The following USP45 variants were observed in gnomAD, a reference collection of about 807,000 sequenced individuals.
The protein encoded by USP45 is ubiquitin carboxyl-terminal hydrolase 45.
In USP45, 89 loss-of-function variants were observed where a neutral mutation model predicts 95.8. The observed-to-expected ratio is 0.93, with a 90% CI of 0.78 to 1.11. The LOEUF is 1.11. Ranked by LOEUF, USP45 falls within the 50% of genes least tolerant of loss-of-function variation. The pLI is 0.00. For missense variants in USP45, 898 were observed against 942.5 expected, an observed-to-expected ratio of 0.95 and a Z score of 0.62; for synonymous variants, 281 against 316.2, an observed-to-expected ratio of 0.89 and a Z score of 1.18.
At chr6:99,514,128 T>C (rs540293647) in intron 1 of USP45, among the ~76,000 whole-genome samples, 1 of 152,178 alleles carries the variant, frequency 6.6e-6, no homozygotes, top group African/African-American at 2.4e-5. Context: ...GGACTCAACA[T>C]ATAGTTGAAT....
At chr6:99,441,533 CAAA>C (rs368801961) in intron 15 of USP45, among the ~76,000 whole-genome samples, 1 of 138,998 alleles carries the variant, frequency 7.2e-6, no homozygotes. Context: ...ACTCCATCTC[CAAA>C]AAAAAAAAAA....
At chr6:99,455,819 TAAAAAAAAAAAAAAAAA>T (rs35285232) in intron 13 of USP45, among the ~76,000 whole-genome samples, 4 of 44,368 alleles carry the variant, frequency 9.0e-5, no homozygotes, top group East Asian at 9.4e-4. Context: ...ATGTGAGAGC[TAAAAAAAAAAAAAAAAA>T]AAAAAAAAAA....
chr6:99,482,963 C>T, intron 7 of USP45, 80 bp from the exon 8 acceptor site: 1 of 1,216,698 alleles, frequency 8.2e-7, no homozygotes. Context: ...TTACACTCTG[C>T]TTAAATAACA....
At chr6:99,479,970 C>T (rs1791953328) in intron 8 of USP45, among the ~76,000 whole-genome samples, 1 of 152,168 alleles carries the variant, frequency 6.6e-6, no homozygotes, top group Admixed American at 6.5e-5. Flanking sequence ...AAACAATCTT[C>T]ATTTGCCAAT....
intron 8 of USP45, among the ~76,000 whole-genome samples, chr6:99,477,464 C>T (rs1791152991): frequency 6.6e-6 from 1 of 152,090 alleles, no homozygotes; most frequent in African/African-American, 2.4e-5. Context: ...CCACACCTGC[C>T]ATCGTGCCCG....
chr6:99,500,701 A>G (rs1411472071), intron 5 of USP45, among the ~76,000 whole-genome samples: 1 of 152,216 alleles, frequency 6.6e-6, no homozygotes. Flanking sequence ...CTTCAGTTCC[A>G]GTAGTGTTAC....
chr6:99,492,349 T>G (rs1795359755), intron 5 of USP45, among the ~76,000 whole-genome samples: 1 of 151,902 alleles, frequency 6.6e-6, no homozygotes, highest in African/African-American at 2.4e-5. Flanking sequence ...CACAGGGCAG[T>G]GGCAATAAAA....
chr6:99,508,876 CTAAAA>C, intron 2 of USP45, 94 bp from the exon 3 acceptor site: 1 of 1,068,714 alleles, frequency 9.4e-7, no homozygotes, highest in Non-Finnish European at 1.3e-6. Context: ...ATGCTGTTAA[CTAAAA>C]AGCACAGAGA....
chr6:99,517,743 C>A (rs1033770941), upstream of USP45, among the ~76,000 whole-genome samples: 1 of 151,646 alleles, frequency 6.6e-6, no homozygotes, highest in Non-Finnish European at 1.5e-5. Flanking sequence ...GAGCCCAGCT[C>A]CTTTTTATCA....
At chr6:99,516,002 C>A (rs1013455980), upstream of USP45, among the ~76,000 whole-genome samples, 1 of 151,954 alleles carries the variant, frequency 6.6e-6, no homozygotes, top group Non-Finnish European at 1.5e-5. Context: ...TGGTCTCGAT[C>A]TCCTGACCTT....
At chr6:99,516,192 G>A (rs1365402289), upstream of USP45, among the ~76,000 whole-genome samples, 3 of 151,844 alleles carry the variant, frequency 2.0e-5, no homozygotes, top group African/African-American at 7.3e-5. Flanking sequence ...TCTCTTCCTA[G>A]CTAGATAGTA....
At chr6:99,488,566 CAG>C (rs1420679589) in intron 6 of USP45, 113 bp downstream of exon 6, 7 of 1,201,082 alleles carry the variant, frequency 5.8e-6, no homozygotes, top group African/African-American at 3.1e-5. Context: ...AAAAGGAAAA[CAG>C]AGAAATTTCT....
intron 13 of USP45, among the ~76,000 whole-genome samples, chr6:99,459,643 T>C (rs1054458951): frequency 2.6e-5 from 4 of 152,142 alleles, no homozygotes; most frequent in African/African-American, 4.8e-5. Context: ...CTCGCCAGCA[T>C]TTATTTTTTG....
chr6:99,457,427 C>T (rs1009702770), intron 13 of USP45, among the ~76,000 whole-genome samples: 2 of 152,156 alleles, frequency 1.3e-5, no homozygotes, highest in Non-Finnish European at 2.9e-5. Flanking sequence ...CCCTTTATTT[C>T]TCAAGCTGGC....
chr6:99,488,169 A>C, intron 7 of USP45, 31 bp downstream of exon 7: 1 of 1,467,616 alleles, frequency 6.8e-7, no homozygotes, highest in Non-Finnish European at 9.5e-7. Flanking sequence ...CTCATCTGAA[A>C]GCAGCTATTA....
At chr6:99,436,110 G>A (rs1003406928) in intron 17 of USP45, among the ~76,000 whole-genome samples, 4 of 151,758 alleles carry the variant, frequency 2.6e-5, no homozygotes, top group Non-Finnish European at 5.9e-5. Flanking sequence ...CCATCAACCT[G>A]TCATCTACAT....
chr6:99,458,505 C>T (rs1253146692), intron 13 of USP45, among the ~76,000 whole-genome samples: 1 of 152,188 alleles, frequency 6.6e-6, no homozygotes, highest in Non-Finnish European at 1.5e-5. Flanking sequence ...TTCAAGTCAG[C>T]AGGGGGCAGT....
chr6:99,508,206 A>G (rs1217383137), intron 3 of USP45, among the ~76,000 whole-genome samples: 1 of 152,196 alleles, frequency 6.6e-6, no homozygotes, highest in Admixed American at 6.5e-5. Context: ...TCATTAAAAA[A>G]ATTCCTTTAT....
intron 5 of USP45, among the ~76,000 whole-genome samples, chr6:99,492,323 C>T (rs1391906252): frequency 6.6e-6 from 1 of 152,076 alleles, no homozygotes; most frequent in Non-Finnish European, 1.5e-5. Flanking sequence ...GACAGCACTG[C>T]CAGAAAGAAC....
Sources: gnomAD v4.1 joint callset for allele counts (sites outside exome capture counted in the v4.1 genomes callset) on GRCh38, gnomAD v4.1.1 for gene constraint, MANE v1.5 for transcripts, NCBI Gene and HGNC (gene_info 2026-07-23, HGNC 2026-07-21) for gene names.